Variants in PHTF1 observed in about 807,000 individuals in gnomAD.
PHTF1 encodes putative homeodomain transcription factor 1, also known as protein PHTF1.
A neutral mutation model predicts 102.4 loss-of-function variants in PHTF1; 88 were observed. That is an observed-to-expected ratio of 0.86 (90% CI 0.72 to 1.03). The LOEUF (loss-of-function observed/expected upper bound fraction) is 1.03, where lower values mean the gene tolerates loss of function less well. Among genes scored for constraint, PHTF1 ranks in the 50% least tolerant of loss-of-function variants. PHTF1 has a pLI of 0.00. For missense variants in PHTF1, 814 were observed against 909.5 expected (o/e 0.89, Z 1.35); for synonymous variants, 289 against 305.2 (o/e 0.95, Z 0.55).
rs1371696369 is a variant in PHTF1 at position 113,698,314 on chromosome 1, A to G, written c.2216T>C (p.Ile739Thr). 2 of 1,608,214 alleles carry G rather than the reference A, an allele frequency of 1.2e-6. No homozygotes were observed. The highest frequency in any genetic ancestry group is 1.7e-6 in the Non-Finnish European group (2 of 1,174,750). Residue 739 changes from isoleucine (I) to threonine (T), a missense_variant, in exon 18 of 19, where the codon ATC (isoleucine) becomes ACC (threonine). Transcript: ENST00000369604. Reference protein sequence around the residue: ...PLIYNITRVVILSAVSGVISD... With the variant: ...PLIYNITRVVTLSAVSGVISD... ...TATAACACCTGAGACAGCAGAAAGGATAACTACTCTTGTGATATTGTAGAT... is the reference window on the plus strand; with the variant it reads ...TATAACACCTGAGACAGCAGAAAGGGTAACTACTCTTGTGATATTGTAGAT...
rs1655802478 is a variant in PHTF1 at position 113,738,160 on chromosome 1, A to C, written c.281T>G (p.Val94Gly). 5.0e-6 allele frequency: 8 copies of C among 1,612,674 alleles called. No homozygotes were observed. The highest frequency in any genetic ancestry group is 6.8e-6 in the Non-Finnish European group (8 of 1,178,756). ...CCAAACAAAGATTCTTAAAGAGGTA[A>C]CCTGAATCCACCAATTGCTGAACAA... ...FPLFSNWWIQVTSLRIFVWLL... is the reference protein window; with the variant it reads ...FPLFSNWWIQGTSLRIFVWLL... Residue 94 changes from valine (V) to glycine (G), a missense_variant, in exon 5 of 19, where the codon GTT becomes GGT. Coordinates refer to ENST00000369604, the MANE Select transcript of PHTF1 (RefSeq NM_001323043.2).
At chr1:113,710,791 G>GATATAT (rs370631673) in intron 10 of PHTF1, among the ~76,000 whole-genome samples, 56 of 104,774 alleles carry the variant, frequency 5.3e-4, no homozygotes, top group African/African-American at 2.3e-3. Context: ...ATCACACCCG[G>GATATAT]ATATATATAT....
chr1:113,732,674 C>G (rs1654844290), intron 5 of PHTF1, among the ~76,000 whole-genome samples: 1 of 151,926 alleles, frequency 6.6e-6, no homozygotes, highest in African/African-American at 2.4e-5. Flanking sequence ...ATGAGAATAA[C>G]CAAAACTGAT....
chr1:113,715,650 A>AAAAAAC (rs1340086597), intron 7 of PHTF1, among the ~76,000 whole-genome samples: 1 of 53,380 alleles, frequency 1.9e-5, no homozygotes, highest in Non-Finnish European at 3.3e-5. Flanking sequence ...CCCTGTCTCA[A>AAAAAAC]AAAAAAAAAA....
intron 7 of PHTF1, among the ~76,000 whole-genome samples, chr1:113,720,926 C>T (rs1219384062): frequency 6.6e-6 from 1 of 152,148 alleles, no homozygotes; most frequent in Non-Finnish European, 1.5e-5. Context: ...GACTTCTGTG[C>T]ACCTCTACAA....
At chr1:113,706,550 C>T (rs1379162898) in intron 12 of PHTF1, 44 bp downstream of exon 12, 1 of 1,524,848 alleles carries the variant, frequency 6.6e-7, no homozygotes, top group Non-Finnish European at 8.8e-7. Flanking sequence ...CTCCTGATCA[C>T]TTCGTATATT....
At chr1:113,733,021 T>G (rs1654908486) in intron 5 of PHTF1, among the ~76,000 whole-genome samples, 1 of 150,552 alleles carries the variant, frequency 6.6e-6, no homozygotes, top group Non-Finnish European at 1.5e-5. Flanking sequence ...CTCAGCCTCA[T>G]AGGTAGTTGA....
At chr1:113,733,517 T>TA (rs940932177) in intron 5 of PHTF1, among the ~76,000 whole-genome samples, 1 of 152,120 alleles carries the variant, frequency 6.6e-6, no homozygotes, top group African/African-American at 2.4e-5. Context: ...TCTTAATCCT[T>TA]AATGTGATCG....
At chr1:113,727,312 A>C (rs997911426) in intron 5 of PHTF1, among the ~76,000 whole-genome samples, 6 of 152,336 alleles carry the variant, frequency 3.9e-5, no homozygotes, top group African/African-American at 1.4e-4. Context: ...TGAGAATGTA[A>C]ATATAAATTT....
intron 5 of PHTF1, 69 bp downstream of exon 5, chr1:113,738,041 G>C: frequency 9.3e-7 from 1 of 1,070,308 alleles, no homozygotes; most frequent in Non-Finnish European, 1.4e-6. Context: ...AAATCAGTAG[G>C]TCTTCATTAT....
chr1:113,750,290 C>T (rs1366626398), intron 3 of PHTF1, among the ~76,000 whole-genome samples: 5 of 152,094 alleles, frequency 3.3e-5, no homozygotes, highest in African/African-American at 1.2e-4. Context: ...CTCAAACTGT[C>T]ATCTTTAATG....
chr1:113,725,391 T>A (rs1338659509), intron 6 of PHTF1: 1 of 152,240 alleles, frequency 6.6e-6, no homozygotes, highest in Non-Finnish European at 1.5e-5. Context: ...TTAATTTAAC[T>A]GAATTTACAA....
At chr1:113,735,365 C>CCA (rs1553231799) in intron 5 of PHTF1, among the ~76,000 whole-genome samples, 3 of 28,444 alleles carry the variant, frequency 1.1e-4, no homozygotes, top group South Asian at 2.8e-3. Context: ...GACTCTGTCT[C>CCA]AAAAAAAAAA....
intron 17 of PHTF1, chr1:113,698,744 A>C (rs1649116097): frequency 4.3e-6 from 1 of 234,970 alleles, no homozygotes. Flanking sequence ...AGTAGTTATT[A>C]ACCCAAAACC....
chr1:113,705,815 C>A, intron 13 of PHTF1, 75 bp downstream of exon 13: 1 of 1,135,504 alleles, frequency 8.8e-7, no homozygotes, highest in South Asian at 1.5e-5. Flanking sequence ...GAGACCAAAT[C>A]AAGAGAACAA....
chr1:113,733,889 G>A (rs933639031), intron 5 of PHTF1, among the ~76,000 whole-genome samples: 1 of 152,116 alleles, frequency 6.6e-6, no homozygotes, highest in Non-Finnish European at 1.5e-5. Flanking sequence ...GAGACTAGAC[G>A]AATACTTGAA....
rs1348159796 is a variant in PHTF1 at position 113,758,727 on chromosome 1, G to T, written c.-24C>A. On this transcript the variant is annotated 5_prime_UTR_variant, in exon 2 of 19. Coordinates refer to ENST00000369604, the MANE Select transcript of PHTF1 (RefSeq NM_001323043.2). ...ATCTGTGTCTCCAGCCAGAGAATGGGATTTCACTGAAAATGAAGGAAAACC... is the reference window on the plus strand; with the variant it reads ...ATCTGTGTCTCCAGCCAGAGAATGGTATTTCACTGAAAATGAAGGAAAACC... 1 of 1,606,934 alleles carries T rather than the reference G, an allele frequency of 6.2e-7. No individual in the cohort carries two copies. The highest frequency in any genetic ancestry group is 8.5e-7 in the Non-Finnish European group (1 of 1,176,806).
intron 5 of PHTF1, among the ~76,000 whole-genome samples, chr1:113,731,796 C>G (rs1342665460): frequency 6.7e-6 from 1 of 150,170 alleles, no homozygotes; most frequent in Admixed American, 6.7e-5. Context: ...ACTCAGGAGG[C>G]TGAGGCATGA....
chr1:113,719,157 T>C (rs970715850), intron 7 of PHTF1, among the ~76,000 whole-genome samples: 6 of 152,010 alleles, frequency 3.9e-5, no homozygotes, highest in East Asian at 1.9e-4. Flanking sequence ...CCCACCATCA[T>C]GCCTGGTTAA....
Sources: allele counts gnomAD v4.1 joint callset (sites outside exome capture counted in the v4.1 genomes callset), GRCh38; gene constraint gnomAD v4.1.1; transcripts MANE v1.5; gene names NCBI Gene and HGNC (gene_info 2026-07-23, HGNC 2026-07-21).